Variants in SYNGR4 observed in about 807,000 individuals in gnomAD.
SYNGR4 encodes the protein synaptogyrin-4.
SYNGR4 carries 15 observed loss-of-function variants against 15.5 expected under a neutral mutation model. The ratio of observed to expected loss-of-function variants is 0.97; its 90% CI spans 0.65 to 1.49. The LOEUF (loss-of-function observed/expected upper bound fraction) is 1.49, where lower values mean the gene tolerates loss of function less well. SYNGR4 is among the 40% of genes most tolerant of loss of function. The pLI, the probability that SYNGR4 is intolerant of heterozygous loss-of-function variation, is 0.00. For synonymous variants in SYNGR4, 121 were observed against 127.4 expected, an observed-to-expected ratio of 0.95 and a Z score of 0.34; for missense variants, 292 against 299.3, an observed-to-expected ratio of 0.98 and a Z score of 0.18.
rs1262498785 is a variant in SYNGR4, at chr19:48,364,371, TGGCGCTA to T, written c.-271_-265del. On this transcript the variant is annotated 5_prime_UTR_variant, in exon 1 of 5. Coordinates refer to ENST00000344846, the MANE Select transcript of SYNGR4 (RefSeq NM_012451.4). ...AAGCGGAACCAAAAGAAGGCTGAGG[TGGCGCTA>T]GGGACCAGGAGGGGTGGGGGTGGCG... is the stretch of plus-strand genomic sequence containing the variant. 1.2e-5 allele frequency: 1 copy of T among 86,398 alleles called. No individual in the cohort carries two copies. The highest frequency in any genetic ancestry group is 2.2e-5 in the Non-Finnish European group (1 of 45,106). The allele number at this position is 86,398 out of a possible 1,614,324, so 5.4% of individuals were successfully genotyped here.
Position 48,373,618 on chromosome 19 carries a change from C to T in SYNGR4, c.195C>T (p.Ala65=). The T allele has an allele frequency of 6.2e-7, 1 of 1,613,882 alleles. No individual in the cohort carries two copies. The highest frequency in any genetic ancestry group is 8.5e-7 in the Non-Finnish European group (1 of 1,180,024). Residue 65 remains alanine, a synonymous_variant, in exon 3 of 5, where the codon GCC becomes GCT. Transcript: ENST00000344846. ...LHCILNSNSV[A]CSFAVGAGFL... is the part of the protein sequence containing the mutation. ...GCATTCTCAACAGCAACAGCGTGGC[C>T]TGCAGCTTTGCCGTGGGAGCCGGCT...
intron 2 of SYNGR4, 66 bp from the exon 3 acceptor site, chr19:48,373,451 C>A: frequency 7.2e-7 from 1 of 1,387,832 alleles, no homozygotes; most frequent in Non-Finnish European, 1.0e-6. Flanking sequence ...CCGACAGCAC[C>A]AGGGAGGAAG....
intron 2 of SYNGR4, among the ~76,000 whole-genome samples, chr19:48,366,891 TG>T (rs1970231864): frequency 6.6e-6 from 1 of 151,874 alleles, no homozygotes; most frequent in Non-Finnish European, 1.5e-5. Context: ...TGGTGGTTCA[TG>T]CCTGTAAAAC....
At chr19:48,364,306 GCGCAGCCA>G (rs1358930434), upstream of SYNGR4, 7 of 272,666 alleles carry the variant, frequency 2.6e-5, no homozygotes, top group South Asian at 5.4e-5. Flanking sequence ...CGGGACTTGG[GCGCAGCCA>G]ATCAGCTGTG....
intron 2 of SYNGR4, chr19:48,373,011 G>C (rs1970333303): frequency 6.0e-6 from 1 of 166,462 alleles, no homozygotes; most frequent in Admixed American, 5.5e-5. Flanking sequence ...CCATGTCCCG[G>C]GCACTGTGCC....
chr19:48,370,356 A>T (rs903276208), intron 2 of SYNGR4, among the ~76,000 whole-genome samples: 2 of 152,036 alleles, frequency 1.3e-5, no homozygotes, highest in Non-Finnish European at 2.9e-5. Context: ...GGTATTTCGC[A>T]CTTGTAGTCC....
intron 2 of SYNGR4, among the ~76,000 whole-genome samples, chr19:48,367,446 AT>A (rs1366104937): frequency 1.3e-5 from 2 of 151,652 alleles, no homozygotes; most frequent in African/African-American, 2.4e-5. Flanking sequence ...AAAAAAAAAA[AT>A]TAGTGCAGAT....
Position 48,375,735 on chromosome 19 carries a change from T to A in SYNGR4, c.454T>A (p.Phe152Ile). 6.2e-7 allele frequency: 1 copy of A among 1,613,422 alleles called. No individual in the cohort carries two copies. Among genetic ancestry groups the A allele is most frequent in the Non-Finnish European group, 8.5e-7 (1 of 1,179,496 alleles). ...CCAGGCAGCCATCGCCTTCACCTTCTTCTCCATCCTTGTCTGGGTGAGGAC... is the reference window on the plus strand; with the variant it reads ...CCAGGCAGCCATCGCCTTCACCTTCATCTCCATCCTTGTCTGGGTGAGGAC... ...SAQAAIAFTF[F>I]SILVWIFQAY... Residue 152 changes from phenylalanine to isoleucine, a missense_variant, in exon 4 of 5, where the codon TTC becomes ATC. Physicochemically the swap from Phe to Ile is conservative, Grantham distance 21. Coordinates refer to ENST00000344846, the MANE Select transcript of SYNGR4 (RefSeq NM_012451.4).
intron 3 of SYNGR4, among the ~76,000 whole-genome samples, chr19:48,374,717 T>A (rs890919240): frequency 6.6e-6 from 1 of 152,124 alleles, no homozygotes; most frequent in African/African-American, 2.4e-5. Flanking sequence ...GGCTCACACC[T>A]GGAATCCCAG....
At chr19:48,375,079 G>A (rs1970380839) in intron 3 of SYNGR4, among the ~76,000 whole-genome samples, 1 of 145,990 alleles carries the variant, frequency 6.8e-6, no homozygotes. Flanking sequence ...AGGCTGGAGT[G>A]CAGAGGCGCA....
At chr19:48,369,474 G>A (rs1429915436) in intron 2 of SYNGR4, among the ~76,000 whole-genome samples, 2 of 152,086 alleles carry the variant, frequency 1.3e-5, no homozygotes, top group Non-Finnish European at 2.9e-5. Flanking sequence ...TTGAGAGGAC[G>A]CCTTCCCTCT....
chr19:48,372,470 C>T (rs1197968938), intron 2 of SYNGR4, among the ~76,000 whole-genome samples: 1 of 151,652 alleles, frequency 6.6e-6, no homozygotes. Context: ...ATGGTGAAAC[C>T]CCGTCTCTAC....
chr19:48,365,631 G>A (rs944471996), intron 1 of SYNGR4, 105 bp from the exon 2 acceptor site: 7 of 395,312 alleles, frequency 1.8e-5, no homozygotes, highest in African/African-American at 2.4e-5. Context: ...ACTCCATTCC[G>A]GGGACCCCCC....
intron 2 of SYNGR4, among the ~76,000 whole-genome samples, chr19:48,366,436 G>A (rs1831278029): frequency 6.6e-6 from 1 of 151,780 alleles, no homozygotes; most frequent in Non-Finnish European, 1.5e-5. Flanking sequence ...GTTTCGCTCT[G>A]TTGCCCAGGC....
chr19:48,373,806 C>G (rs1192353446), intron 3 of SYNGR4, 52 bp downstream of exon 3: 2 of 1,577,598 alleles, frequency 1.3e-6, no homozygotes, highest in Non-Finnish European at 1.7e-6. Context: ...CGCTCACAGC[C>G]CTCCTGGCTC....
chr19:48,366,562 C>T (rs866402502), intron 2 of SYNGR4, among the ~76,000 whole-genome samples: 2 of 152,042 alleles, frequency 1.3e-5, no homozygotes, highest in East Asian at 2.0e-4. Context: ...TGCGCCACTG[C>T]GCCTGGCTAA....
At chr19:48,370,877 C>T (rs547149651) in intron 2 of SYNGR4, among the ~76,000 whole-genome samples, 3 of 152,344 alleles carry the variant, frequency 2.0e-5, no homozygotes, top group Admixed American at 6.5e-5. Context: ...CAGCCTTTCT[C>T]ACCTGGGCCT....
At chr19:48,375,491 A>T (rs1411977251) in intron 3 of SYNGR4, 122 bp from the exon 4 acceptor site, 1 of 1,297,378 alleles carries the variant, frequency 7.7e-7, no homozygotes, top group African/African-American at 1.5e-5. Context: ...TAAAAAAAGT[A>T]TTTTTCAATA....
At chr19:48,375,832 G>A in intron 4 of SYNGR4, 80 bp downstream of exon 4, 1 of 1,562,138 alleles carries the variant, frequency 6.4e-7, no homozygotes, top group East Asian at 2.3e-5. Context: ...GAACATTCCT[G>A]CTCTCACTTA....
Sources: allele counts gnomAD v4.1 joint callset (sites outside exome capture counted in the v4.1 genomes callset), GRCh38; gene constraint gnomAD v4.1.1; transcripts MANE v1.5; gene names NCBI Gene and HGNC (gene_info 2026-07-23, HGNC 2026-07-21).